NFIX: variants seen among roughly 807,000 people sequenced by gnomAD.
The protein encoded by NFIX is nuclear factor I X.
NFIX carries 2 observed loss-of-function variants against 53.3 expected under a neutral mutation model. The ratio of observed to expected loss-of-function variants is 0.04; its 90% confidence interval spans 0.02 to 0.12. The LOEUF (loss-of-function observed/expected upper bound fraction) is 0.12, where lower values mean the gene tolerates loss of function less well. Among genes scored for constraint, NFIX ranks in the 10% least tolerant of loss-of-function variants. The probability of loss-of-function intolerance (pLI) is 1.00; values close to 1 mark genes in which losing one functional copy is unlikely to be tolerated. For synonymous variants in NFIX, 244 were observed against 289.0 expected (o/e 0.84, Z 1.58); for missense variants, 310 against 674.5 (o/e 0.46, Z 5.99).
intron 2 of NFIX, among the ~76,000 whole-genome samples, chr19:13,062,900 AGGAGG>A (rs2016178555): frequency 1.3e-5 from 2 of 152,094 alleles, no homozygotes; most frequent in Admixed American, 6.5e-5. Flanking sequence ...TTAGCACCTG[AGGAGG>A]GGAGGCAGGT....
In NFIX at chr19:12,999,792, C is replaced by T. The variant is rs141428452; in HGVS notation, c.27+3928C>T. On this transcript the variant is annotated intron_variant, in intron 1 of 10. Coordinates refer to ENST00000592199, the MANE Select transcript of NFIX (RefSeq NM_001365902.3). ...TTCCCCCAGCTTTCTCTCTGGGTCA[C>T]TCTGGCCACCCCTCTGTCCCTGCGA... 2.0e-3 allele frequency among the ~76,000 whole-genome samples: 306 copies of T among 152,358 alleles called. 6 individuals are homozygous for T. Among genetic ancestry groups the T allele is most frequent in the Admixed American group, 0.011 (174 of 15,306 alleles).
rs1190672071 is a variant in NFIX at position 13,078,335 on chromosome 19, C to T, written c.956-278C>T. 6.6e-6 allele frequency among the ~76,000 whole-genome samples: 1 copy of T among 152,218 alleles called. No individual in the cohort carries two copies. Among genetic ancestry groups the T allele is most frequent in the Non-Finnish European group, 1.5e-5 (1 of 68,038 alleles). On this transcript the variant is annotated intron_variant, in intron 6 of 10. Coordinates refer to ENST00000592199, the MANE Select transcript of NFIX (RefSeq NM_001365902.3). The surrounding 1 kb of genome is among the most constrained non-coding windows in gnomAD (Gnocchi z 4.7). ...GCCAGGGCATAGGCTGGGGCCCTTG[C>T]TCACCCCCTGCCTGGCACACACCAC...
chr19:13,000,972 A>G (rs1436556549), intron 1 of NFIX, among the ~76,000 whole-genome samples: 1 of 152,084 alleles, frequency 6.6e-6, no homozygotes, highest in East Asian at 1.9e-4. Context: ...CTGCTGAGAT[A>G]TTGTCTCCCC....
In NFIX at chr19:13,027,420, G is replaced by A. The variant is rs185593277; in HGVS notation, c.559+1868G>A. Among the ~76,000 whole-genome samples, 7 of 152,280 alleles carry A rather than the reference G, an allele frequency of 4.6e-5. No individual in the cohort carries two copies. Among genetic ancestry groups the A allele is most frequent in the African/African-American group, 7.2e-5 (3 of 41,540 alleles). ...AGGGTGTGTGCCTGGTAGTATTGGAGGTGACTGGTGGCTTGCAGAAGGCTC... is the reference window on the plus strand; with the variant it reads ...AGGGTGTGTGCCTGGTAGTATTGGAAGTGACTGGTGGCTTGCAGAAGGCTC... On this transcript the variant is annotated intron_variant, in intron 2 of 10. Coordinates refer to ENST00000592199, the MANE Select transcript of NFIX (RefSeq NM_001365902.3). The surrounding 1 kb of genome is among the most constrained non-coding windows in gnomAD (Gnocchi z 4.3).
In NFIX at chr19:13,068,909, G is replaced by A. The variant is rs1371797120; in HGVS notation, c.560-4138G>A. On this transcript the variant is annotated intron_variant, in intron 2 of 10. Coordinates refer to ENST00000592199, the MANE Select transcript of NFIX (RefSeq NM_001365902.3). This position sits in a 1 kb window ranked among gnomAD's most constrained non-coding sequence, Gnocchi z 4.2. ...GACACCCCCAAACAGCATCGAGAAT[G>A]AGCTGTGGGCTCTGAGATACTCTCC... 6.6e-6 allele frequency among the ~76,000 whole-genome samples: 1 copy of A among 152,238 alleles called. No homozygotes were observed. Among genetic ancestry groups the A allele is most frequent in the Non-Finnish European group, 1.5e-5 (1 of 68,046 alleles).
Position 13,081,919 on chromosome 19 carries a change from A to C in NFIX, c.1254+64A>C. The stretch of plus-strand genomic sequence containing the variant: ...ATCTCCACATCTATCTGTCTGTCTC[A>C]GGGCTCACAGGGAGAGGGCCCAAAA... On this transcript the variant is annotated intron_variant, in intron 8 of 10. Coordinates refer to ENST00000592199, the MANE Select transcript of NFIX (RefSeq NM_001365902.3). The surrounding 1 kb of genome is among the most constrained non-coding windows in gnomAD (Gnocchi z 4.7). 13 of 1,574,046 alleles carry C rather than the reference A, an allele frequency of 8.3e-6. No homozygotes were observed. The highest frequency in any genetic ancestry group is 1.0e-5 in the Non-Finnish European group (12 of 1,154,710).
Position 13,088,187 on chromosome 19 carries a change from CCAAA to C in NFIX, c.1402+54_1402+57del. The C allele has an allele frequency of 4.6e-6, 7 of 1,531,938 alleles. No individual in the cohort carries two copies. Among genetic ancestry groups the C allele is most frequent in the Non-Finnish European group, 5.2e-6 (6 of 1,143,506 alleles). The allele number at this position is 1,531,938 out of a possible 1,614,324, so 94.9% of individuals were successfully genotyped here. ...ACAACGCCCAGCGTCCCCGGCCCGTCCAAACAGTCTCCACTGCAAAAAGAAAAGC... is the reference window on the plus strand; with the variant it reads ...ACAACGCCCAGCGTCCCCGGCCCGTCCAGTCTCCACTGCAAAAAGAAAAGC... On this transcript the variant is annotated intron_variant, in intron 9 of 10. Coordinates refer to ENST00000592199, the MANE Select transcript of NFIX (RefSeq NM_001365902.3). This position sits in a 1 kb window ranked among gnomAD's most constrained non-coding sequence, Gnocchi z 5.9.
In NFIX at chr19:13,075,766, C is replaced by T. The variant is rs987254164; in HGVS notation, c.955+95C>T. ...CCTGGTGAGCCTCCCACCAGTTGTCCCCCTGTCGGGGGGCATTACCCATCT... is the reference window on the plus strand; with the variant it reads ...CCTGGTGAGCCTCCCACCAGTTGTCTCCCTGTCGGGGGGCATTACCCATCT... On this transcript the variant is annotated intron_variant, in intron 6 of 10. Coordinates refer to ENST00000592199, the MANE Select transcript of NFIX (RefSeq NM_001365902.3). 3 of 1,442,566 alleles carry T rather than the reference C, an allele frequency of 2.1e-6. No homozygotes were observed. In the African/African-American group the frequency reaches 4.2e-5, roughly 20 times the overall value. The allele number at this position is 1,442,566 out of a possible 1,614,324, so 89.4% of individuals were successfully genotyped here.
At chr19:13,026,283 C>T (rs955888946) in intron 2 of NFIX, among the ~76,000 whole-genome samples, 3 of 151,986 alleles carry the variant, frequency 2.0e-5, no homozygotes, top group Non-Finnish European at 2.9e-5. Context: ...ATGCCCACAG[C>T]CCTGGCACTG....
Position 13,051,707 on chromosome 19 carries a change from G to C in NFIX, c.560-21340G>C, listed in dbSNP as rs1351332499. Among the ~76,000 whole-genome samples, 1 of 152,032 alleles carries C rather than the reference G, an allele frequency of 6.6e-6. No individual in the cohort carries two copies. Among genetic ancestry groups the C allele is most frequent in the Non-Finnish European group, 1.5e-5 (1 of 68,002 alleles). ...TCCTCTCCCTGGGCCTCTTCCCCAC[G>C]TGGCTCATTACAACTCCAGTTGTTC... On this transcript the variant is annotated intron_variant, in intron 2 of 10. Transcript: ENST00000592199. This position sits in a 1 kb window ranked among gnomAD's most constrained non-coding sequence, Gnocchi z 5.1.
In NFIX at chr19:12,996,175, G is replaced by A. The variant is rs1394462270; in HGVS notation, c.27+311G>A. Among the ~76,000 whole-genome samples, 3 of 151,644 alleles carry A rather than the reference G, an allele frequency of 2.0e-5. No homozygotes were observed. Among genetic ancestry groups the A allele is most frequent in the Non-Finnish European group, 4.4e-5 (3 of 67,892 alleles). On this transcript the variant is annotated intron_variant, in intron 1 of 10. Transcript: ENST00000592199. This position sits in a 1 kb window ranked among gnomAD's most constrained non-coding sequence, Gnocchi z 5.2. Reference sequence around the variant, plus strand: ...TGTGTGTGTGTGTGTGTGTGTGCGCGCTCGACTGGGGTGCGATGGGCAGCG... The same window carrying A: ...TGTGTGTGTGTGTGTGTGTGTGCGCACTCGACTGGGGTGCGATGGGCAGCG...
chr19:13,062,576 C>T (rs2016161413), intron 2 of NFIX, among the ~76,000 whole-genome samples: 1 of 152,212 alleles, frequency 6.6e-6, no homozygotes, highest in South Asian at 2.1e-4. Context: ...GTGGCCAGGT[C>T]TCTGGGGCTC....
At position 13,088,234 on chromosome 19, in the gene NFIX, C is replaced by A; in HGVS notation, c.1402+98C>A. ...AGAAAAGCCTTCCCCCTCCCCACCA[C>A]CAAAGCCCCCCAACCCAGAGCACCA... is the stretch of plus-strand genomic sequence containing the variant. On this transcript the variant is annotated intron_variant, in intron 9 of 10. Coordinates refer to ENST00000592199, the MANE Select transcript of NFIX (RefSeq NM_001365902.3). This position sits in a 1 kb window ranked among gnomAD's most constrained non-coding sequence, Gnocchi z 5.9. The A allele has an allele frequency of 5.8e-6, 8 of 1,384,720 alleles. No homozygotes were observed. The highest frequency in any genetic ancestry group is 7.8e-6 in the Non-Finnish European group (8 of 1,028,484). The allele number at this position is 1,384,720 out of a possible 1,614,324, so 85.8% of individuals were successfully genotyped here.
At chr19:13,044,061 A>G (rs2014822074) in intron 2 of NFIX, among the ~76,000 whole-genome samples, 1 of 151,930 alleles carries the variant, frequency 6.6e-6, no homozygotes, top group South Asian at 2.1e-4. Context: ...GCCTCTGTTG[A>G]CCCTTGTCCC....
chr19:13,073,864 TC>T lies in NFIX; in HGVS notation c.698-36del, dbSNP rs2016912975. The T allele has an allele frequency of 2.5e-6, 4 of 1,613,112 alleles. No individual in the cohort carries two copies. The highest frequency in any genetic ancestry group is 3.4e-6 in the Non-Finnish European group (4 of 1,179,532). ...ACAAAGAAACAGACCCCATCAGGCC[TC>T]CCCCCACCTCCAAACCTCATCACCC... On this transcript the variant is annotated intron_variant, in intron 4 of 10. Transcript: ENST00000592199. The surrounding 1 kb of genome is among the most constrained non-coding windows in gnomAD (Gnocchi z 4.5).
intron 6 of NFIX, among the ~76,000 whole-genome samples, chr19:13,076,302 G>A (rs1278770732): frequency 6.6e-6 from 1 of 152,178 alleles, no homozygotes; most frequent in Non-Finnish European, 1.5e-5. Context: ...GGAAGCTAGC[G>A]AAGGGGAGAG....
rs2018049764 is a variant in NFIX, at chr19:13,090,232, AGGGGCAGTGCCCAGGT to A, written c.1403-63_1403-48del. 9 of 1,448,986 alleles carry A rather than the reference AGGGGCAGTGCCCAGGT, an allele frequency of 6.2e-6. No individual in the cohort carries two copies. The highest frequency in any genetic ancestry group is 8.7e-6 in the Non-Finnish European group (9 of 1,029,884). 89.8% of individuals were successfully genotyped at this position (1,448,986 alleles called of 1,614,324 possible). On this transcript the variant is annotated intron_variant, in intron 9 of 10. Coordinates refer to ENST00000592199, the MANE Select transcript of NFIX (RefSeq NM_001365902.3). The surrounding 1 kb of genome is among the most constrained non-coding windows in gnomAD (Gnocchi z 6.6). ...GTCTCTCCCTCTCTCAGCAGCCCCG[AGGGGCAGTGCCCAGGT>A]GGGCCCCAAGGCCTGACAGGGTCTC...
rs758504284 is a variant in NFIX, at chr19:13,025,135, A to T, written c.142A>T (p.Met48Leu). 1 of 1,614,220 alleles carries T rather than the reference A, an allele frequency of 6.2e-7. No homozygotes were observed. The highest frequency in any genetic ancestry group is 8.5e-7 in the Non-Finnish European group (1 of 1,180,026). ...RKYFKKHEKR[M>L]SKDEERAVKD... is the part of the protein sequence containing the mutation. ...GTACTTCAAGAAGCATGAAAAGCGG[A>T]TGTCGAAGGACGAGGAGCGGGCGGT... Residue 48 changes from methionine to leucine, a missense_variant, in exon 2 of 11, where the codon ATG (methionine) becomes TTG (leucine). Met to Leu is a conservative substitution (Grantham distance 15). Around this residue, in one of 5 missense-constraint regions of NFIX, gnomAD observed 64 missense variants for 144.5 expected, o/e 0.44. Transcript: ENST00000592199. The surrounding 1 kb of genome is among the most constrained non-coding windows in gnomAD (Gnocchi z 7.5).
chr19:13,054,408 G>C lies in NFIX; in HGVS notation c.560-18639G>C, dbSNP rs116767742. 3.3e-3 allele frequency among the ~76,000 whole-genome samples: 508 copies of C among 152,262 alleles called. 6 individuals carry two copies. Among genetic ancestry groups the C allele is most frequent in the African/African-American group, 0.012 (492 of 41,558 alleles). On this transcript the variant is annotated intron_variant, in intron 2 of 10. Coordinates refer to ENST00000592199, the MANE Select transcript of NFIX (RefSeq NM_001365902.3). ...GAGTGGAAGAGGCAGTGTGTAACTC[G>C]AGCTCCCCATTTCTGCACTGCTCCC...
Sources: gnomAD v4.1 joint callset for allele counts (sites outside exome capture counted in the v4.1 genomes callset) on GRCh38, gnomAD v4.1.1 for gene constraint, gnomAD v4.1.1 regional missense constraint, Gnocchi (gnomAD v3.1) non-coding constraint, MANE v1.5 for transcripts, NCBI Gene and HGNC (gene_info 2026-07-23, HGNC 2026-07-21) for gene names.